The following ERBIN variants were observed in gnomAD, a reference collection of about 807,000 sequenced individuals.
The protein encoded by ERBIN is erbb2 interacting protein, also known as densin-180-like protein.
In ERBIN, 60 loss-of-function variants were observed where a neutral mutation model predicts 158.4. The observed-to-expected ratio is 0.38, with a 90% CI of 0.31 to 0.47. ERBIN has a LOEUF of 0.47. Among genes scored for constraint, ERBIN ranks in the 20% least tolerant of loss-of-function variants. The probability of loss-of-function intolerance (pLI) is 0.99; values close to 1 mark genes in which losing one functional copy is unlikely to be tolerated. For synonymous variants in ERBIN, 594 were observed against 557.2 expected, an observed-to-expected ratio of 1.07 and a Z score of -0.93; for missense variants, 1,610 against 1,648.0, an observed-to-expected ratio of 0.98 and a Z score of 0.40.
At chr5:65,965,312 C>T (rs1385408533) in intron 1 of ERBIN, among the ~76,000 whole-genome samples, 4 of 150,086 alleles carry the variant, frequency 2.7e-5, no homozygotes, top group Non-Finnish European at 5.9e-5. Flanking sequence ...GCATTTATAC[C>T]TTCTCTTTTG....
At chr5:65,950,227 G>C (rs1488407736) in intron 1 of ERBIN, among the ~76,000 whole-genome samples, 2 of 151,268 alleles carry the variant, frequency 1.3e-5, no homozygotes, top group Admixed American at 6.6e-5. Flanking sequence ...GGATGGTCTC[G>C]ATCTCCTGAC....
intron 7 of ERBIN, among the ~76,000 whole-genome samples, chr5:66,016,831 TCTCGAACTCCTGGC>T (rs1377218186): frequency 6.6e-6 from 1 of 152,128 alleles, no homozygotes; most frequent in Admixed American, 6.5e-5. Context: ...GTCAGACTGG[TCTCGAACTCCTGGC>T]CTCAAATGAC....
Position 66,078,626 on chromosome 5 carries a change from G to A in ERBIN, c.*96G>A. ...TTTGACTATTTTTATATATAAAGAA[G>A]AACTCAAAAAATTATGTTCAAATTT... On this transcript the variant is annotated 3_prime_UTR_variant, in exon 26 of 26. Coordinates refer to ENST00000284037, the MANE Select transcript of ERBIN (RefSeq NM_001253697.2). 1.3e-6 allele frequency: 1 copy of A among 762,212 alleles called. No individual in the cohort carries two copies. The highest frequency in any genetic ancestry group is 2.2e-6 in the Non-Finnish European group (1 of 456,934). The allele number at this position is 762,212 out of a possible 1,614,324, so 47.2% of individuals were successfully genotyped here.
chr5:66,058,404 T>C (rs1294787561), intron 21 of ERBIN, among the ~76,000 whole-genome samples: 1 of 152,118 alleles, frequency 6.6e-6, no homozygotes, highest in Non-Finnish European at 1.5e-5. Flanking sequence ...CTTGTAAATT[T>C]GTTTGAGTTC....
At chr5:66,056,329 C>T (rs187829355) in intron 21 of ERBIN, among the ~76,000 whole-genome samples, 168 of 152,220 alleles carry the variant, frequency 1.1e-3, no homozygotes, top group African/African-American at 3.9e-3. Context: ...GAGATTGTGC[C>T]TTAAATAACT....
rs930368325 is a variant in ERBIN at position 66,043,000 on chromosome 5, C to G, written c.1307-77C>G. ...CTTATTGTAGTGAACATAACTCATA[C>G]AGAAATTATGAGCAAGTGATAGTTT... On this transcript the variant is annotated intron_variant, in intron 15 of 25. Coordinates refer to ENST00000284037, the MANE Select transcript of ERBIN (RefSeq NM_001253697.2). 9 of 1,134,010 alleles carry G rather than the reference C, an allele frequency of 7.9e-6. 1 individual carries two copies. The African/African-American group carries it at 1.1e-4, about 14-fold the overall frequency. The allele number at this position is 1,134,010 out of a possible 1,614,324, so 70.2% of individuals were successfully genotyped here. A position where few individuals can be genotyped will look rare whatever the true frequency, so the allele number is the denominator to read the frequency against.
chr5:65,980,151 C>G (rs974716419), intron 1 of ERBIN, among the ~76,000 whole-genome samples: 2 of 152,150 alleles, frequency 1.3e-5, no homozygotes, highest in Non-Finnish European at 2.9e-5. Context: ...TGTGGTGGCT[C>G]ACACCTGTAA....
intron 1 of ERBIN, among the ~76,000 whole-genome samples, chr5:65,956,018 G>T (rs1301247762): frequency 6.6e-6 from 1 of 152,176 alleles, no homozygotes; most frequent in East Asian, 1.9e-4. Flanking sequence ...TACATGGTGT[G>T]TATAGAGTTC....
chr5:65,993,153 A>G (rs1446959657), intron 3 of ERBIN, among the ~76,000 whole-genome samples: 1 of 152,188 alleles, frequency 6.6e-6, no homozygotes, highest in East Asian at 1.9e-4. Flanking sequence ...TTTTAGTTGT[A>G]TTGTAGCCAT....
chr5:65,929,582 T>A (rs940167712), intron 1 of ERBIN, among the ~76,000 whole-genome samples: 10 of 152,078 alleles, frequency 6.6e-5, no homozygotes, highest in Admixed American at 3.3e-4. Flanking sequence ...TCCGTTTTCT[T>A]TTTCTGGGAA....
At chr5:66,023,006 T>G (rs1405341292) in intron 8 of ERBIN, 1 of 249,106 alleles carries the variant, frequency 4.0e-6, no homozygotes, top group African/African-American at 2.3e-5. Flanking sequence ...TTGCCCCTGT[T>G]GTGTAATCCA....
intron 15 of ERBIN, among the ~76,000 whole-genome samples, chr5:66,039,807 TTAAC>T (rs1757758662): frequency 6.6e-6 from 1 of 151,952 alleles, no homozygotes; most frequent in African/African-American, 2.4e-5. Flanking sequence ...TCTCAAAGCT[TTAAC>T]TATAGAACCT....
chr5:65,944,484 C>T (rs914722767), intron 1 of ERBIN, among the ~76,000 whole-genome samples: 1 of 152,096 alleles, frequency 6.6e-6, no homozygotes, highest in African/African-American at 2.4e-5. Context: ...TCACTGCAGC[C>T]TCCTCTTCCT....
chr5:65,932,414 T>A (rs1425624671), intron 1 of ERBIN, among the ~76,000 whole-genome samples: 2 of 152,132 alleles, frequency 1.3e-5, no homozygotes, highest in Non-Finnish European at 2.9e-5. Context: ...TTGCCTTTGT[T>A]CTTGTAAAGG....
rs1756148763 is a variant in ERBIN, at chr5:66,025,537, C to T, written c.875C>T (p.Pro292Leu). ...GATGAAAACCAGTTAATGTATCTGCCAGACTCTATAGGAGGGTAAGTTTTT... is the reference window on the plus strand; with the variant it reads ...GATGAAAACCAGTTAATGTATCTGCTAGACTCTATAGGAGGGTAAGTTTTT... ...KIDENQLMYL[P>L]DSIGGLISVE... Residue 292 changes from proline (P) to leucine (L), a missense_variant, in exon 11 of 26, where the codon CCA (proline) becomes CTA (leucine). Transcript: ENST00000284037. 6.2e-7 allele frequency: 1 copy of T among 1,611,988 alleles called. No individual in the cohort carries two copies. Among genetic ancestry groups the T allele is most frequent in the Non-Finnish European group, 8.5e-7 (1 of 1,178,414 alleles).
intron 4 of ERBIN, among the ~76,000 whole-genome samples, chr5:66,009,440 T>C (rs577872802): frequency 2.3e-4 from 35 of 152,326 alleles, no homozygotes; most frequent in African/African-American, 8.2e-4. Flanking sequence ...TGCTGAATAG[T>C]AACATGTACT....
rs747199760 is a variant in ERBIN, at chr5:66,068,841, A to G, written c.3634-3328A>G. On this transcript the variant is annotated intron_variant, in intron 21 of 25. Coordinates refer to ENST00000284037, the MANE Select transcript of ERBIN (RefSeq NM_001253697.2). ...ATGTCTCGTGGATTTTGCATGCTAC[A>G]CTAATCTCTGTTAAATCTATCCCCT... 34 of 1,502,290 alleles carry G rather than the reference A, an allele frequency of 2.3e-5. No individual in the cohort carries two copies. In the South Asian group the frequency reaches 3.8e-4, roughly 17 times the overall value. 93.1% of individuals were successfully genotyped at this position (1,502,290 alleles called of 1,614,324 possible).
chr5:65,953,484 A>G (rs1454710425), intron 1 of ERBIN, among the ~76,000 whole-genome samples: 1 of 152,150 alleles, frequency 6.6e-6, no homozygotes, highest in Non-Finnish European at 1.5e-5. Flanking sequence ...CCAGGGCTTG[A>G]GCCACTGTTG....
intron 10 of ERBIN, among the ~76,000 whole-genome samples, chr5:66,024,800 C>T (rs115584573): frequency 5.7e-4 from 86 of 152,108 alleles, no homozygotes; most frequent in African/African-American, 2.0e-3. Context: ...GAAAACAGAT[C>T]AGTTGAACAG....
Sources: allele counts gnomAD v4.1 joint callset (sites outside exome capture counted in the v4.1 genomes callset), GRCh38; gene constraint gnomAD v4.1.1; transcripts MANE v1.5; gene names NCBI Gene and HGNC (gene_info 2026-07-23, HGNC 2026-07-21).